THEMIS: variants seen among roughly 807,000 people sequenced by gnomAD.
THEMIS encodes the protein thymocyte selection associated.
Under a neutral mutation model 52.6 loss-of-function variants are expected in THEMIS, and 37 were observed. The ratio of observed to expected loss-of-function variants is 0.70; its 90% CI spans 0.54 to 0.93. The LOEUF (loss-of-function observed/expected upper bound fraction) is 0.93, where lower values mean the gene tolerates loss of function less well. THEMIS is among the 40% of genes least tolerant of loss of function. THEMIS has a pLI of 0.00. For synonymous variants in THEMIS, 292 were observed against 272.7 expected (o/e 1.07, Z -0.70); for missense variants, 808 against 763.1 (o/e 1.06, Z -0.69).
intron 1 of THEMIS, among the ~76,000 whole-genome samples, chr6:127,892,802 C>T (rs1192280712): frequency 6.6e-6 from 1 of 152,140 alleles, no homozygotes; most frequent in African/African-American, 2.4e-5. Context: ...CCTTTCCACA[C>T]ATTCATGCCT....
chr6:127,763,472 G>C (rs377118579), intron 4 of THEMIS, among the ~76,000 whole-genome samples: 1 of 151,834 alleles, frequency 6.6e-6, no homozygotes, highest in Non-Finnish European at 1.5e-5. Flanking sequence ...AGACTTCTGC[G>C]TAACAAAGTA....
At position 127,716,714 on chromosome 6, in the gene THEMIS, T is replaced by C. The variant is rs559548754; in HGVS notation, c.1894+2974A>G. Among the ~76,000 whole-genome samples, 77 of 152,028 alleles carry C rather than the reference T, an allele frequency of 5.1e-4. 2 individuals carry two copies. Among genetic ancestry groups the C allele is most frequent in the Middle Eastern group, 3.4e-3 (1 of 294 alleles). ...CCAGGGAACTGGATGCAACAAATAGTTCAATGAAAACATTTCCACTTAACA... is the reference window on the plus strand; with the variant it reads ...CCAGGGAACTGGATGCAACAAATAGCTCAATGAAAACATTTCCACTTAACA... On this transcript the variant is annotated intron_variant, in intron 5 of 5. Coordinates refer to ENST00000368248, the MANE Select transcript of THEMIS (RefSeq NM_001010923.3).
chr6:127,772,916 C>T (rs898134281), intron 4 of THEMIS, among the ~76,000 whole-genome samples: 1 of 152,088 alleles, frequency 6.6e-6, no homozygotes, highest in South Asian at 2.1e-4. Flanking sequence ...GTTTATTAGA[C>T]TTCTCTTGGC....
intron 4 of THEMIS, 135 bp downstream of exon 4, chr6:127,812,748 C>T: frequency 1.2e-6 from 1 of 830,154 alleles, no homozygotes; most frequent in Non-Finnish European, 1.9e-6. Flanking sequence ...CATTCATCTA[C>T]TGCACATCAG....
intron 1 of THEMIS, among the ~76,000 whole-genome samples, chr6:127,867,671 T>C (rs1780024839): frequency 6.6e-6 from 1 of 152,084 alleles, no homozygotes; most frequent in African/African-American, 2.4e-5. Flanking sequence ...ACTCTGATAC[T>C]ACAGAAGAAA....
chr6:127,767,549 C>CA (rs1293074290), intron 4 of THEMIS, among the ~76,000 whole-genome samples: 1 of 152,136 alleles, frequency 6.6e-6, no homozygotes, highest in East Asian at 1.9e-4. Context: ...CTTCGACCTC[C>CA]ACGTCTTGTC....
chr6:127,858,786 T>C (rs1779700968), intron 1 of THEMIS, among the ~76,000 whole-genome samples: 1 of 152,110 alleles, frequency 6.6e-6, no homozygotes, highest in Non-Finnish European at 1.5e-5. Context: ...CTTTACAGAC[T>C]GATTCTATCC....
intron 4 of THEMIS, among the ~76,000 whole-genome samples, chr6:127,732,549 C>G (rs892629498): frequency 4.6e-5 from 7 of 152,172 alleles, no homozygotes; most frequent in Non-Finnish European, 1.0e-4. Context: ...TCAACCTAAT[C>G]ACATTTCCAG....
chr6:127,797,252 G>A (rs1056029725), intron 4 of THEMIS, among the ~76,000 whole-genome samples: 1 of 152,146 alleles, frequency 6.6e-6, no homozygotes, highest in Non-Finnish European at 1.5e-5. Context: ...AATGGCAGGA[G>A]TCAAAAACTA....
intron 1 of THEMIS, among the ~76,000 whole-genome samples, chr6:127,911,515 C>A (rs1341977921): frequency 6.6e-6 from 1 of 151,008 alleles, no homozygotes; most frequent in African/African-American, 2.5e-5. Context: ...ATTTTGTGCT[C>A]AAATTGTTTC....
rs73773928 is a variant in THEMIS at position 127,882,858 on chromosome 6, T to C, written c.91+17984A>G. 3.8e-3 allele frequency among the ~76,000 whole-genome samples: 584 copies of C among 152,036 alleles called. 3 individuals are homozygous for C. The highest frequency in any genetic ancestry group is 0.014 in the African/African-American group (568 of 41,528). ...ACTACCACATCACTGCTTGGTTTAT[T>C]TGAGCCCGAAAAAATTAAATTCATT... On this transcript the variant is annotated intron_variant, in intron 1 of 5. Transcript: ENST00000368248.
At chr6:127,837,695 T>C (rs1350681077) in intron 2 of THEMIS, among the ~76,000 whole-genome samples, 1 of 151,986 alleles carries the variant, frequency 6.6e-6, no homozygotes, top group Non-Finnish European at 1.5e-5. Flanking sequence ...TCACTCATTC[T>C]CACTGGACTG....
At chr6:127,720,575 T>TGAA (rs1774327473) in intron 4 of THEMIS, among the ~76,000 whole-genome samples, 1 of 151,966 alleles carries the variant, frequency 6.6e-6, no homozygotes. Context: ...ACAGAATATG[T>TGAA]GAAGATTCTC....
chr6:127,813,652 CT>C lies in THEMIS; in HGVS notation c.988del (p.Arg330AspfsTer4), dbSNP rs769470992. ...ATAGCTAGTGGGGATCAAGAAGTGT[CT>C]TTTAGGAAAATTGCTTCTAATTTCT... ...ASEIRSNFPK[R>X]HFLIPTSYKG... is the part of the protein sequence containing the mutation. On this transcript the variant is annotated frameshift_variant, in exon 4 of 6. Coordinates refer to ENST00000368248, the MANE Select transcript of THEMIS (RefSeq NM_001010923.3). LOFTEE classifies it high-confidence loss of function. 97 of 1,613,974 alleles carry C rather than the reference CT, an allele frequency of 6.0e-5. No individual in the cohort carries two copies. Among genetic ancestry groups the C allele is most frequent in the Non-Finnish European group, 8.1e-5 (96 of 1,179,996 alleles).
chr6:127,785,262 T>TCTATCTATCATCTATCTAC (rs58702039), intron 4 of THEMIS, among the ~76,000 whole-genome samples: 1,754 of 146,864 alleles, frequency 0.012, 44 homozygotes, highest in Middle Eastern at 0.032. Context: ...CATCTATCTA[T>TCTATCTATCATCTATCTAC]TTATCACCTA....
chr6:127,782,767 T>G (rs987348660), intron 4 of THEMIS, among the ~76,000 whole-genome samples: 1 of 152,158 alleles, frequency 6.6e-6, no homozygotes, highest in African/African-American at 2.4e-5. Context: ...TCCTCTTCCA[T>G]GCTCATGGAT....
At chr6:127,751,252 T>TAA (rs1476419607) in intron 4 of THEMIS, among the ~76,000 whole-genome samples, 2 of 151,822 alleles carry the variant, frequency 1.3e-5, no homozygotes, top group African/African-American at 4.8e-5. Flanking sequence ...TGTAGAGTTT[T>TAA]TCTTTGTGAT....
intron 4 of THEMIS, among the ~76,000 whole-genome samples, chr6:127,786,235 T>C (rs1213593077): frequency 6.6e-6 from 1 of 152,194 alleles, no homozygotes; most frequent in Non-Finnish European, 1.5e-5. Flanking sequence ...AGCCTACATA[T>C]TTGAACAGTA....
At chr6:127,845,317 T>C (rs888802246) in intron 2 of THEMIS, among the ~76,000 whole-genome samples, 18 of 151,980 alleles carry the variant, frequency 1.2e-4, no homozygotes, top group Non-Finnish European at 2.5e-4. Context: ...GTTTACATAC[T>C]TTAATACAGA....
Sources: gnomAD v4.1 joint callset for allele counts (sites outside exome capture counted in the v4.1 genomes callset) on GRCh38, gnomAD v4.1.1 for gene constraint, MANE v1.5 for transcripts, NCBI Gene and HGNC (gene_info 2026-07-23, HGNC 2026-07-21) for gene names.